The following FLNB variants were observed in gnomAD, a reference collection of about 807,000 sequenced individuals.
FLNB encodes filamin B.
Under a neutral mutation model 250.6 loss-of-function variants are expected in FLNB, and 111 were observed. The observed-to-expected ratio is 0.44, with a 90% CI of 0.38 to 0.52. The LOEUF (loss-of-function observed/expected upper bound fraction) is 0.52. Ranked by LOEUF, FLNB falls within the 20% of genes least tolerant of loss-of-function variation. The pLI is 0.00. For synonymous variants in FLNB, 1,302 were observed against 1,372.1 expected (o/e 0.95, Z 1.13); for missense variants, 2,869 against 3,447.8 (o/e 0.83, Z 4.20).
At chr3:58,152,028 C>T (rs1437593197) in intron 38 of FLNB, among the ~76,000 whole-genome samples, 1 of 152,226 alleles carries the variant, frequency 6.6e-6, no homozygotes, top group Non-Finnish European at 1.5e-5. Context: ...ATTTGCTTTA[C>T]ATTTCTCATT....
At chr3:58,138,804 A>C (rs186810841) in intron 29 of FLNB, among the ~76,000 whole-genome samples, 19 of 152,360 alleles carry the variant, frequency 1.2e-4, no homozygotes, top group Admixed American at 3.9e-4. Flanking sequence ...GGCATTTTGA[A>C]AGATAACTCC....
intron 1 of FLNB, among the ~76,000 whole-genome samples, chr3:58,012,425 G>A (rs2097100390): frequency 1.3e-5 from 2 of 152,116 alleles, no homozygotes; most frequent in South Asian, 2.1e-4. Context: ...TGAAACCCAG[G>A]TCTGCCCAGC....
rs2097338106 is a variant in FLNB, at chr3:58,147,822, G to C, written c.5729-384G>C. Among the ~76,000 whole-genome samples, 4 of 152,026 alleles carry C rather than the reference G, an allele frequency of 2.6e-5. No homozygotes were observed. The South Asian group carries it at 6.2e-4, about 24-fold the overall frequency. On this transcript the variant is annotated intron_variant, in intron 34 of 45. Coordinates refer to ENST00000295956, the MANE Select transcript of FLNB (RefSeq NM_001457.4). ...ATTACAGCACCCACCACCACACCCA[G>C]CTTATTTTTGTATTTTTAATAGAGA...
intron 1 of FLNB, among the ~76,000 whole-genome samples, chr3:58,018,198 A>G (rs569286475): frequency 5.6e-4 from 85 of 152,280 alleles, no homozygotes; most frequent in African/African-American, 2.0e-3. Context: ...TAGTGGCTTT[A>G]CATCTATGAG....
intron 1 of FLNB, among the ~76,000 whole-genome samples, chr3:58,057,127 C>T (rs903851779): frequency 2.0e-5 from 3 of 152,114 alleles, no homozygotes; most frequent in Admixed American, 1.3e-4. Context: ...TGGCACGTGC[C>T]ACCATGCCTG....
At chr3:58,140,734 G>A (rs1388720511) in intron 29 of FLNB, among the ~76,000 whole-genome samples, 4 of 151,910 alleles carry the variant, frequency 2.6e-5, no homozygotes, top group Non-Finnish European at 5.9e-5. Context: ...TCAGCCTCCC[G>A]AGTAGCTGGG....
At chr3:58,078,504 CGGA>C (rs2097204668) in intron 2 of FLNB, 2 of 1,536,304 alleles carry the variant, frequency 1.3e-6, no homozygotes, top group African/African-American at 1.4e-5. Context: ...ACATAGCACC[CGGA>C]GGAGAAGTCT....
chr3:58,155,040 G>A, intron 40 of FLNB, 112 bp downstream of exon 40: 2 of 1,059,308 alleles, frequency 1.9e-6, no homozygotes, highest in Non-Finnish European at 2.9e-6. Flanking sequence ...TATGTGTATG[G>A]GCACATGGGA....
At position 58,142,325 on chromosome 3, in the gene FLNB, C is replaced by A. The variant is rs989351435; in HGVS notation, c.5182-325C>A. Reference sequence around the variant, plus strand: ...TGCACCTTCTTTTCCAGGCCACAAGCAACTAAACCTTTCCAGATGGAGCCT... The same window carrying A: ...TGCACCTTCTTTTCCAGGCCACAAGAAACTAAACCTTTCCAGATGGAGCCT... On this transcript the variant is annotated intron_variant, in intron 30 of 45. Coordinates refer to ENST00000295956, the MANE Select transcript of FLNB (RefSeq NM_001457.4). This position sits in a 1 kb window ranked among gnomAD's most constrained non-coding sequence, Gnocchi z 4.3. Among the ~76,000 whole-genome samples the A allele has an allele frequency of 6.6e-6, 1 of 152,242 alleles. No individual in the cohort carries two copies. The highest frequency in any genetic ancestry group is 1.5e-5 in the Non-Finnish European group (1 of 68,040).
At chr3:58,033,042 C>T (rs1254299820) in intron 1 of FLNB, among the ~76,000 whole-genome samples, 1 of 152,218 alleles carries the variant, frequency 6.6e-6, no homozygotes, top group East Asian at 1.9e-4. Flanking sequence ...GACTGCACTC[C>T]AGCCTGGGCA....
chr3:58,135,226 C>T (rs1320574154), intron 27 of FLNB, among the ~76,000 whole-genome samples: 2 of 152,178 alleles, frequency 1.3e-5, no homozygotes, highest in African/African-American at 4.8e-5. Context: ...CTGCATATCA[C>T]AGTAAACCTT....
chr3:58,022,471 G>C lies in FLNB; in HGVS notation c.292+13615G>C, dbSNP rs554711655. Among the ~76,000 whole-genome samples the C allele has an allele frequency of 2.4e-4, 36 of 152,272 alleles. No homozygotes were observed. The South Asian group carries it at 6.0e-3, about 25-fold the overall frequency. ...GTGATTTGCTTCAACAACTGTTAGA[G>C]AACAAGGCCTTTTCCAGGTGAAGCT... On this transcript the variant is annotated intron_variant, in intron 1 of 45. Coordinates refer to ENST00000295956, the MANE Select transcript of FLNB (RefSeq NM_001457.4).
chr3:58,037,090 A>T (rs1192225024), intron 1 of FLNB, among the ~76,000 whole-genome samples: 1 of 127,560 alleles, frequency 7.8e-6, no homozygotes, highest in Non-Finnish European at 1.6e-5. Context: ...TTTTTGAGAC[A>T]GTCTCGCTCT....
At chr3:58,042,572 T>C (rs374481576) in intron 1 of FLNB, among the ~76,000 whole-genome samples, 1 of 152,164 alleles carries the variant, frequency 6.6e-6, no homozygotes, top group East Asian at 1.9e-4. Context: ...CAGAATGCAG[T>C]AGCACGATCA....
chr3:58,151,419 C>CAAAA (rs1248965112), intron 38 of FLNB: 3 of 131,484 alleles, frequency 2.3e-5, no homozygotes, highest in African/African-American at 9.6e-5. Context: ...AAAAAAAGAG[C>CAAAA]TGTACTGATC....
intron 3 of FLNB, 110 bp from the exon 4 acceptor site, chr3:58,081,519 G>C: frequency 1.0e-6 from 1 of 1,004,518 alleles, no homozygotes; most frequent in Non-Finnish European, 1.6e-6. Context: ...TTGAGAAGCT[G>C]ACTCAGTTTC....
rs751107489 is a variant in FLNB at position 58,121,299 on chromosome 3, G to A, written c.2922G>A (p.Gln974=). ...FTVDTRGAGG[Q]GKLDVTILSP... The stretch of plus-strand genomic sequence containing the variant: ...TTGATACCAGGGGGGCAGGAGGCCA[G>A]GGGAAGCTGGACGTGACAATCCTCA... The change falls in exon 20 of 46, where the codon CAG becomes CAA. Residue 974 remains glutamine (Q), a synonymous_variant. Transcript: ENST00000295956. The A allele has an allele frequency of 1.7e-5, 28 of 1,614,076 alleles. No homozygotes were observed. Among genetic ancestry groups the A allele is most frequent in the Non-Finnish European group, 2.0e-5 (24 of 1,180,040 alleles).
chr3:58,021,043 G>A (rs1183955048), intron 1 of FLNB, among the ~76,000 whole-genome samples: 3 of 152,130 alleles, frequency 2.0e-5, no homozygotes, highest in African/African-American at 7.2e-5. Flanking sequence ...AAGAAAATAA[G>A]TTCTTATCAT....
intron 4 of FLNB, among the ~76,000 whole-genome samples, chr3:58,088,055 T>TC (rs1046322956): frequency 5.4e-5 from 8 of 148,974 alleles, no homozygotes; most frequent in Non-Finnish European, 8.9e-5. Context: ...TTTTTTTTTT[T>TC]TTTTTGCTGA....
Sources: gnomAD v4.1 joint callset for allele counts (sites outside exome capture counted in the v4.1 genomes callset) on GRCh38, gnomAD v4.1.1 for gene constraint, Gnocchi (gnomAD v3.1) non-coding constraint, MANE v1.5 for transcripts, NCBI Gene and HGNC (gene_info 2026-07-23, HGNC 2026-07-21) for gene names.